Variants in BEND4 observed in about 807,000 individuals in gnomAD.
The protein encoded by BEND4 is BEN domain-containing protein 4.
Under a neutral mutation model 54.7 loss-of-function variants are expected in BEND4, and 27 were observed. That is an observed-to-expected ratio of 0.49 (90% CI 0.36 to 0.68). BEND4 has a LOEUF of 0.68. Ranked by LOEUF, BEND4 falls within the 30% of genes least tolerant of loss-of-function variation. The probability of loss-of-function intolerance (pLI) is 0.00; values close to 1 mark genes in which losing one functional copy is unlikely to be tolerated. For synonymous variants in BEND4, 327 were observed against 299.5 expected (o/e 1.09, Z -0.95); for missense variants, 702 against 697.2 (o/e 1.01, Z -0.08).
At chr4:42,133,774 G>GA (rs1192848171) in intron 3 of BEND4, among the ~76,000 whole-genome samples, 5 of 152,198 alleles carry the variant, frequency 3.3e-5, no homozygotes, top group South Asian at 2.1e-4. Flanking sequence ...AGAATGGCAT[G>GA]ACCCGGGAGG....
At position 42,125,583 on chromosome 4, in the gene BEND4, C is replaced by T; in HGVS notation, c.1146G>A (p.Glu382=). The change falls in exon 4 of 6, where the codon GAG becomes GAA. Residue 382 remains glutamate (E), a splice_region_variant and synonymous_variant. Coordinates refer to ENST00000502486, the MANE Select transcript of BEND4 (RefSeq NM_207406.4). ...LIPQPADQPT[E]GSKQLLNNYP... ...ATTCACCTTTTTACCAGAGACCTAC[C>T]TCTGTCGGCTGGTCAGCTGGCTGTG... 1 of 1,611,458 alleles carries T rather than the reference C, an allele frequency of 6.2e-7. No homozygotes were observed. The highest frequency in any genetic ancestry group is 8.5e-7 in the Non-Finnish European group (1 of 1,177,620).
At chr4:42,141,824 T>C (rs1720896307) in intron 3 of BEND4, among the ~76,000 whole-genome samples, 1 of 152,252 alleles carries the variant, frequency 6.6e-6, no homozygotes, top group African/African-American at 2.4e-5. Flanking sequence ...TTATGTATGA[T>C]TTATTTTGAA....
chr4:42,125,329 G>A (rs754739389), intron 4 of BEND4, among the ~76,000 whole-genome samples: 1 of 152,132 alleles, frequency 6.6e-6, no homozygotes, highest in Non-Finnish European at 1.5e-5. Flanking sequence ...CAAACAGAAT[G>A]GTGGAAAAAT....
At chr4:42,135,561 A>C (rs1720668446) in intron 3 of BEND4, among the ~76,000 whole-genome samples, 1 of 152,070 alleles carries the variant, frequency 6.6e-6, no homozygotes. Flanking sequence ...TCATGAGGTC[A>C]GGAGATCGAG....
chr4:42,145,681 C>T (rs927543053), intron 2 of BEND4, among the ~76,000 whole-genome samples: 1 of 143,292 alleles, frequency 7.0e-6, no homozygotes, highest in African/African-American at 2.7e-5. Flanking sequence ...ACAGTGAAGA[C>T]TCCATCTCAA....
intron 3 of BEND4, among the ~76,000 whole-genome samples, chr4:42,131,192 G>A (rs907108985): frequency 6.6e-6 from 1 of 152,066 alleles, no homozygotes; most frequent in African/African-American, 2.4e-5. Context: ...TAACAAACCT[G>A]CACATCCTGC....
intron 2 of BEND4, among the ~76,000 whole-genome samples, chr4:42,145,301 T>A (rs1185306480): frequency 6.6e-6 from 1 of 152,170 alleles, no homozygotes; most frequent in Non-Finnish European, 1.5e-5. Context: ...GTGCTCAACG[T>A]TCCACTGTGT....
At position 42,120,042 on chromosome 4, in the gene BEND4, A is replaced by C; in HGVS notation, c.1387+12T>G. 1 of 1,613,984 alleles carries C rather than the reference A, an allele frequency of 6.2e-7. No individual in the cohort carries two copies. The highest frequency in any genetic ancestry group is 8.5e-7 in the Non-Finnish European group (1 of 1,179,888). ...ATCACAGATGGTGACACTGAGCGGAAGGATGCAGTACCTCGGAGGCATGTT... is the reference window on the plus strand; with the variant it reads ...ATCACAGATGGTGACACTGAGCGGACGGATGCAGTACCTCGGAGGCATGTT... On this transcript the variant is annotated intron_variant, in intron 5 of 5. Coordinates refer to ENST00000502486, the MANE Select transcript of BEND4 (RefSeq NM_207406.4).
chr4:42,144,765 T>C lies in BEND4; in HGVS notation c.488-771A>G, dbSNP rs570859120. Among the ~76,000 whole-genome samples, 5 of 152,326 alleles carry C rather than the reference T, an allele frequency of 3.3e-5. No homozygotes were observed. The East Asian group carries it at 7.7e-4, about 24-fold the overall frequency. On this transcript the variant is annotated intron_variant, in intron 2 of 5. Transcript: ENST00000502486. The stretch of plus-strand genomic sequence containing the variant: ...CGAGGCATGGGTGCCTGTTAGCCCA[T>C]GTACATGAATTCTAAAGCATATTGT...
chr4:42,137,652 A>T (rs546292107), intron 3 of BEND4, among the ~76,000 whole-genome samples: 2 of 152,334 alleles, frequency 1.3e-5, no homozygotes, highest in African/African-American at 2.4e-5. Flanking sequence ...CACACTAAAA[A>T]GTCTCTGCAT....
intron 3 of BEND4, among the ~76,000 whole-genome samples, chr4:42,140,750 C>T (rs899858601): frequency 2.6e-5 from 4 of 152,144 alleles, no homozygotes; most frequent in Non-Finnish European, 5.9e-5. Flanking sequence ...AGGAATTAGA[C>T]AATAATACTT....
At chr4:42,123,913 T>C (rs554725582) in intron 4 of BEND4, among the ~76,000 whole-genome samples, 2 of 152,170 alleles carry the variant, frequency 1.3e-5, no homozygotes, top group East Asian at 3.9e-4. Flanking sequence ...GAACTGCAGA[T>C]GGGTATTCAG....
At chr4:42,151,579 C>T in intron 2 of BEND4, 78 bp downstream of exon 2, 4 of 1,366,334 alleles carry the variant, frequency 2.9e-6, no homozygotes, top group East Asian at 3.1e-5. Flanking sequence ...TGTCGGCGGC[C>T]CCCCGCTTCT....
At chr4:42,118,424 C>G (rs1488744077) in intron 5 of BEND4, among the ~76,000 whole-genome samples, 2 of 152,154 alleles carry the variant, frequency 1.3e-5, no homozygotes, top group East Asian at 1.9e-4. Flanking sequence ...CCATATCTTG[C>G]CTACGTATTT....
intron 3 of BEND4, among the ~76,000 whole-genome samples, chr4:42,130,021 A>G (rs1469078190): frequency 6.6e-6 from 1 of 152,262 alleles, no homozygotes; most frequent in African/African-American, 2.4e-5. Context: ...TCTAACATCC[A>G]GAATCTACAA....
At chr4:42,149,481 C>T (rs138243537) in intron 2 of BEND4, among the ~76,000 whole-genome samples, 2 of 152,184 alleles carry the variant, frequency 1.3e-5, no homozygotes, top group African/African-American at 4.8e-5. Flanking sequence ...CCAACAAGCA[C>T]GAGGGATCCA....
At position 42,111,704 on chromosome 4, in the gene BEND4, C is replaced by G. The variant is rs899146540; in HGVS notation, c.*5814G>C. The G allele has an allele frequency of 2.0e-5, 3 of 152,220 alleles. No individual in the cohort carries two copies. The highest frequency in any genetic ancestry group is 7.2e-5 in the African/African-American group (3 of 41,444). The allele number at this position is 152,220 out of a possible 1,614,324, so 9.4% of individuals were successfully genotyped here. A position where few individuals can be genotyped will look rare whatever the true frequency, so the allele number is the denominator to read the frequency against. On this transcript the variant is annotated 3_prime_UTR_variant, in exon 6 of 6. Coordinates refer to ENST00000502486, the MANE Select transcript of BEND4 (RefSeq NM_207406.4). The stretch of plus-strand genomic sequence containing the variant: ...AACTCTCTCTTCCAAACCAATCAGA[C>G]TCATCAGCTCTAAAGCTACAAAGAC...
chr4:42,121,640 C>T (rs1420407976), intron 4 of BEND4, among the ~76,000 whole-genome samples: 1 of 152,092 alleles, frequency 6.6e-6, no homozygotes, highest in Non-Finnish European at 1.5e-5. Flanking sequence ...GTGGTGGACC[C>T]TGTGTATAAG....
chr4:42,127,625 C>T (rs1720338098), intron 3 of BEND4, among the ~76,000 whole-genome samples: 2 of 152,166 alleles, frequency 1.3e-5, no homozygotes, highest in Admixed American at 6.5e-5. Flanking sequence ...ACCTTGGGGA[C>T]TTCATTTACT....
Sources: gnomAD v4.1 joint callset for allele counts (sites outside exome capture counted in the v4.1 genomes callset) on GRCh38, gnomAD v4.1.1 for gene constraint, MANE v1.5 for transcripts, NCBI Gene and HGNC (gene_info 2026-07-23, HGNC 2026-07-21) for gene names.